Variants in TTC24 observed in about 807,000 individuals in gnomAD.
The protein encoded by TTC24 is tetratricopeptide repeat protein 24.
In TTC24, 54 loss-of-function variants were observed where a neutral mutation model predicts 63.3. That is an observed-to-expected ratio of 0.85 (90% CI 0.69 to 1.07). TTC24 has a LOEUF of 1.07. Among genes scored for constraint, TTC24 ranks in the 50% least tolerant of loss-of-function variants. The pLI is 0.00. For missense variants in TTC24, 680 were observed against 730.5 expected, an observed-to-expected ratio of 0.93 and a Z score of 0.80; for synonymous variants, 276 against 304.3, an observed-to-expected ratio of 0.91 and a Z score of 0.97.
rs1297435748 is a variant in TTC24 at position 156,583,019 on chromosome 1, G to A, written c.911-23G>A. 3 of 1,593,016 alleles carry A rather than the reference G, an allele frequency of 1.9e-6. No homozygotes were observed. The highest frequency in any genetic ancestry group is 1.7e-6 in the Non-Finnish European group (2 of 1,168,054). Reference sequence around the variant, plus strand: ...CCCAGCAGCCAGAGTCCCCTCTGAGGATGGGGTGGGCTCTGTCCTCAGGCT... The same window carrying A: ...CCCAGCAGCCAGAGTCCCCTCTGAGAATGGGGTGGGCTCTGTCCTCAGGCT... On this transcript the variant is annotated intron_variant, in intron 3 of 10. Coordinates refer to ENST00000368236, the MANE Select transcript of TTC24 (RefSeq NM_001105669.4). This position sits in a 1 kb window ranked among gnomAD's most constrained non-coding sequence, Gnocchi z 4.0.
intron 2 of TTC24, 78 bp from the exon 3 acceptor site, chr1:156,582,153 C>G: frequency 6.8e-7 from 1 of 1,471,240 alleles, no homozygotes; most frequent in South Asian, 1.4e-5. Flanking sequence ...TTGGGGAACC[C>G]TGGAGGAGTC....
chr1:156,585,005 A>G, intron 7 of TTC24, 31 bp downstream of exon 7: 1 of 1,548,868 alleles, frequency 6.5e-7, no homozygotes, highest in Non-Finnish European at 8.8e-7. Flanking sequence ...GCAGAGATGC[A>G]TGCGCCCTCT....
chr1:156,587,063 A>G lies in TTC24; in HGVS notation c.*513A>G, dbSNP rs1677194627. Among the ~76,000 whole-genome samples, 1 of 143,784 alleles carries G rather than the reference A, an allele frequency of 7.0e-6. No homozygotes were observed. The highest frequency in any genetic ancestry group is 7.0e-5 in the Admixed American group (1 of 14,252). The allele number at this position is 143,784 out of a possible 152,430, so 94.3% of individuals were successfully genotyped here. On this transcript the variant is annotated 3_prime_UTR_variant, in exon 11 of 11. Coordinates refer to ENST00000368236, the MANE Select transcript of TTC24 (RefSeq NM_001105669.4). ...ACAGCTCCTGCCAGCAGCCACAGGA[A>G]CAGTGATGTGATGTAACATTTCCCA...
Position 156,585,968 on chromosome 1 carries a change from T to A in TTC24, c.1590T>A (p.His530Gln), listed in dbSNP as rs762489853. ...ASIYSPGPRA[H>Q]LPFVGPGPPR... is the part of the protein sequence containing the mutation. ...ATCTAGGTCCAGGACCCAGGGCCCA[T>A]CTTCCATTTGTAGGTCCAGGCCCTC... The change falls in exon 10 of 11, where the codon CAT becomes CAA. Residue 530 changes from histidine (H) to glutamine (Q), a missense_variant. By Grantham distance (24) the His-to-Gln change is conservative. Transcript: ENST00000368236. 25 of 1,599,882 alleles carry A rather than the reference T, an allele frequency of 1.6e-5. No individual in the cohort carries two copies. In the African/African-American group the frequency reaches 2.8e-4, roughly 18 times the overall value.
At chr1:156,582,466 G>T (rs756865890) in intron 3 of TTC24, 32 bp downstream of exon 3, 1 of 1,601,486 alleles carries the variant, frequency 6.2e-7, no homozygotes, top group Non-Finnish European at 8.5e-7. Flanking sequence ...ATGGGACTGG[G>T]ACTAAGACAC....
At chr1:156,582,757 C>T (rs1249292718) in intron 3 of TTC24, among the ~76,000 whole-genome samples, 1 of 152,192 alleles carries the variant, frequency 6.6e-6, no homozygotes, top group Non-Finnish European at 1.5e-5. Context: ...TTTCACTCTC[C>T]GAGCTTCAGT....
At chr1:156,582,622 C>T (rs1401561092) in intron 3 of TTC24, among the ~76,000 whole-genome samples, 188 bp downstream of exon 3, 2 of 152,126 alleles carry the variant, frequency 1.3e-5, no homozygotes, top group Admixed American at 1.3e-4. Context: ...GTTGTGGGCC[C>T]AGAGGCCGAG....
chr1:156,583,869 G>C lies in TTC24; in HGVS notation c.1225G>C (p.Val409Leu). The change falls in exon 6 of 11, where the codon GTG (valine) becomes CTG (leucine). Residue 409 changes from valine (V) to leucine (L), a missense_variant. Transcript: ENST00000368236. The surrounding 1 kb of genome is among the most constrained non-coding windows in gnomAD (Gnocchi z 4.0). The stretch of plus-strand genomic sequence containing the variant: ...CACCGTGAGGACGCGCTTGGCCCAG[G>C]TGGGGCTGGTCCAGACTCACACCCT... ...ADTVRTRLAQ[V>L]GLVQTHTLTS... The C allele has an allele frequency of 1.3e-6, 2 of 1,583,268 alleles. No homozygotes were observed. Among genetic ancestry groups the C allele is most frequent in the Non-Finnish European group, 1.7e-6 (2 of 1,165,462 alleles).
intron 6 of TTC24, 135 bp from the exon 7 acceptor site, chr1:156,584,742 C>T: frequency 3.6e-6 from 2 of 553,990 alleles, no homozygotes; most frequent in Non-Finnish European, 6.3e-6. Context: ...AGAGCCTCAC[C>T]CCAGAATTGT....
chr1:156,586,575 C>T lies in TTC24; in HGVS notation c.*25C>T. Reference sequence around the variant, plus strand: ...ACCTCCCCCTGCCAGCCTCAGCCCTCATCCCTGAAGCACCTGTCCAACACG... The same window carrying T: ...ACCTCCCCCTGCCAGCCTCAGCCCTTATCCCTGAAGCACCTGTCCAACACG... On this transcript the variant is annotated 3_prime_UTR_variant, in exon 11 of 11. Transcript: ENST00000368236. 1 of 1,603,434 alleles carries T rather than the reference C, an allele frequency of 6.2e-7. No homozygotes were observed.
Position 156,581,631 on chromosome 1 carries a change from T to C in TTC24, c.267T>C (p.Tyr89=). The C allele has an allele frequency of 4.5e-6, 7 of 1,551,642 alleles. No homozygotes were observed. Among genetic ancestry groups the C allele is most frequent in the Non-Finnish European group, 6.1e-6 (7 of 1,146,964 alleles). Residue 89 remains tyrosine (Y), a synonymous_variant, in exon 2 of 11, where the codon TAT becomes TAC. Transcript: ENST00000368236. The part of the protein sequence containing the change: ...QACAFNLGAA[Y]VETGDPARGL... ...GCGCCTTCAACCTGGGGGCTGCCTA[T>C]GTGGAGACTGGGGACCCAGCCAGAG...
At position 156,581,389 on chromosome 1, in the gene TTC24, G is replaced by A; in HGVS notation, c.25G>A (p.Val9Met). The change falls in exon 2 of 11, where the codon GTG becomes ATG. Residue 9 changes from valine (V) to methionine (M), a missense_variant. Transcript: ENST00000368236. ...TATGTCTTCCCCCAACCCTGAGGATGTGCCCCGGAGGCCAGAACCTGAGCC... is the reference window on the plus strand; with the variant it reads ...TATGTCTTCCCCCAACCCTGAGGATATGCCCCGGAGGCCAGAACCTGAGCC... MSSPNPED[V>M]PRRPEPEPSS... The A allele has an allele frequency of 6.6e-7, 1 of 1,517,568 alleles. No homozygotes were observed. The allele number at this position is 1,517,568 out of a possible 1,614,324, so 94.0% of individuals were successfully genotyped here.
At chr1:156,586,110 G>A (rs1410529689) in intron 10 of TTC24, 65 bp downstream of exon 10, 31 of 1,204,330 alleles carry the variant, frequency 2.6e-5, no homozygotes, top group Non-Finnish European at 3.5e-5. Context: ...TGTGGCTTGG[G>A]ATGATTTTAA....
At position 156,583,821 on chromosome 1, in the gene TTC24, C is replaced by T. The variant is rs1319836093; in HGVS notation, c.1177C>T (p.Arg393Trp). Reference protein sequence around the residue: ...CQKEPDSVRERLVAKLADTVR... With the variant: ...CQKEPDSVREWLVAKLADTVR... Reference sequence around the variant, plus strand: ...GAAGGAGCCAGATTCTGTGCGAGAACGGCTGGTGGCCAAGCTGGCAGACAC... The same window carrying T: ...GAAGGAGCCAGATTCTGTGCGAGAATGGCTGGTGGCCAAGCTGGCAGACAC... The change falls in exon 6 of 11, where the codon CGG becomes TGG. Residue 393 changes from arginine to tryptophan, a missense_variant. By Grantham distance (101) the Arg-to-Trp change is moderately radical. Transcript: ENST00000368236. The surrounding 1 kb of genome is among the most constrained non-coding windows in gnomAD (Gnocchi z 4.0). 7 of 1,584,964 alleles carry T rather than the reference C, an allele frequency of 4.4e-6. No individual in the cohort carries two copies. The highest frequency in any genetic ancestry group is 3.5e-5 in the South Asian group (3 of 86,360).
rs529985262 is a variant in TTC24 at position 156,587,355 on chromosome 1, T to C, written c.*805T>C. ...AGCTTCAGTAATCTGAATTCCCAGG[T>C]CACATAACTAGTATGTAGAGAAGCT... On this transcript the variant is annotated 3_prime_UTR_variant, in exon 11 of 11. Transcript: ENST00000368236. 6.6e-6 allele frequency among the ~76,000 whole-genome samples: 1 copy of C among 152,340 alleles called. No individual in the cohort carries two copies. Among genetic ancestry groups the C allele is most frequent in the East Asian group, 1.9e-4 (1 of 5,194 alleles).
chr1:156,583,323 C>A lies in TTC24; in HGVS notation c.1040-15C>A, dbSNP rs752488185. The A allele has an allele frequency of 6.2e-7, 1 of 1,611,836 alleles. No homozygotes were observed. The highest frequency in any genetic ancestry group is 2.2e-5 in the East Asian group (1 of 44,784). ...GGAAGTCATGAAAGGACCTTCCAGG[C>A]TCTCTTTCTCTCAGGGGACATGAAG... On this transcript the variant is annotated splice_polypyrimidine_tract_variant and intron_variant, in intron 4 of 10. Coordinates refer to ENST00000368236, the MANE Select transcript of TTC24 (RefSeq NM_001105669.4). This position sits in a 1 kb window ranked among gnomAD's most constrained non-coding sequence, Gnocchi z 4.0.
intron 6 of TTC24, chr1:156,584,468 A>T (rs1362283542): frequency 5.8e-6 from 1 of 172,592 alleles, no homozygotes; most frequent in Non-Finnish European, 1.2e-5. Flanking sequence ...AATAGGTTTT[A>T]TGCCCTTGCA....
rs1166952616 is a variant in TTC24 at position 156,582,226 on chromosome 1, T to C, written c.707-5T>C. ...GCTACCAGTGACCCTGGCTATTCCC[T>C]CTAGGGCACCTCTATAACGATCTAG... On this transcript the variant is annotated splice_polypyrimidine_tract_variant and splice_region_variant and intron_variant, in intron 2 of 10. Transcript: ENST00000368236. 6 of 1,549,602 alleles carry C rather than the reference T, an allele frequency of 3.9e-6. No homozygotes were observed. The highest frequency in any genetic ancestry group is 1.4e-5 in the African/African-American group (1 of 73,150).
In TTC24 at chr1:156,586,807, C is replaced by T; in HGVS notation, c.*257C>T. On this transcript the variant is annotated 3_prime_UTR_variant, in exon 11 of 11. Coordinates refer to ENST00000368236, the MANE Select transcript of TTC24 (RefSeq NM_001105669.4). ...GGAAAATGGATGGCAAATTCCCTGT[C>T]TTTCTGAATCCAAATCTTACGATTG... 1 of 361,234 alleles carries T rather than the reference C, an allele frequency of 2.8e-6. No individual in the cohort carries two copies. Among genetic ancestry groups the T allele is most frequent in the Admixed American group, 3.9e-5 (1 of 25,748 alleles). The allele number at this position is 361,234 out of a possible 1,614,324, so 22.4% of individuals were successfully genotyped here.
Sources: allele counts gnomAD v4.1 joint callset (sites outside exome capture counted in the v4.1 genomes callset), GRCh38; gene constraint gnomAD v4.1.1; non-coding constraint Gnocchi (gnomAD v3.1); transcripts MANE v1.5; gene names NCBI Gene and HGNC (gene_info 2026-07-23, HGNC 2026-07-21).